Variants in COL14A1 observed in about 807,000 individuals in gnomAD.
COL14A1 encodes collagen type XIV alpha 1 chain.
Under a neutral mutation model 230.3 loss-of-function variants are expected in COL14A1, and 136 were observed. That is an observed-to-expected ratio of 0.59 (90% CI 0.51 to 0.68). The LOEUF is 0.68. COL14A1 is among the 30% of genes least tolerant of loss of function. The pLI is 0.00. For synonymous variants in COL14A1, 792 were observed against 784.1 expected, an observed-to-expected ratio of 1.01 and a Z score of -0.17; for missense variants, 1,976 against 2,215.8, an observed-to-expected ratio of 0.89 and a Z score of 2.17.
intron 23 of COL14A1, among the ~76,000 whole-genome samples, chr8:120,258,194 A>G (rs558287095): frequency 2.0e-5 from 3 of 152,298 alleles, no homozygotes; most frequent in African/African-American, 2.4e-5. Context: ...TAGGTGTTCA[A>G]TTTCCTAGAG....
intron 5 of COL14A1, among the ~76,000 whole-genome samples, chr8:120,172,947 CAGTA>C (rs1437494976): frequency 6.6e-6 from 1 of 152,154 alleles, no homozygotes; most frequent in Non-Finnish European, 1.5e-5. Context: ...TTTTCCCTTG[CAGTA>C]AGTAAGTAGC....
At chr8:120,286,314 A>G (rs575692289) in intron 33 of COL14A1, among the ~76,000 whole-genome samples, 7 of 152,290 alleles carry the variant, frequency 4.6e-5, no homozygotes, top group African/African-American at 1.4e-4. Context: ...AGCTGGTACA[A>G]CTAGCTATCT....
chr8:120,209,589 G>A (rs1817557921), intron 11 of COL14A1, among the ~76,000 whole-genome samples, 167 bp from the exon 12 acceptor site: 1 of 152,074 alleles, frequency 6.6e-6, no homozygotes, highest in Admixed American at 6.6e-5. Context: ...GAAAACAGCA[G>A]TGTTTCCTGT....
chr8:120,143,492 C>T (rs549840580), intron 1 of COL14A1, among the ~76,000 whole-genome samples: 6 of 151,892 alleles, frequency 4.0e-5, no homozygotes, highest in African/African-American at 1.2e-4. Flanking sequence ...ATTGGCCGGG[C>T]GTGGTGCACA....
intron 9 of COL14A1, 152 bp downstream of exon 9, chr8:120,204,022 A>G (rs1377320047): frequency 1.5e-5 from 9 of 617,716 alleles, no homozygotes; most frequent in African/African-American, 3.7e-5. Flanking sequence ...AAAAGGGAGT[A>G]TATTAGCAGG....
At chr8:120,180,028 C>T (rs1360662252) in intron 5 of COL14A1, among the ~76,000 whole-genome samples, 1 of 152,096 alleles carries the variant, frequency 6.6e-6, no homozygotes, top group South Asian at 2.1e-4. Context: ...TTCCTTACAC[C>T]TTATACAAAA....
intron 1 of COL14A1, among the ~76,000 whole-genome samples, chr8:120,147,389 T>A (rs979144469): frequency 2.0e-5 from 3 of 152,192 alleles, no homozygotes; most frequent in African/African-American, 7.2e-5. Context: ...ATATATTTGT[T>A]CTTTGTAGGC....
chr8:120,157,360 A>G (rs919503513), intron 2 of COL14A1, among the ~76,000 whole-genome samples: 24 of 152,312 alleles, frequency 1.6e-4, no homozygotes, highest in African/African-American at 5.3e-4. Context: ...ATATATCCGT[A>G]ATAGCCCTCT....
intron 45 of COL14A1, among the ~76,000 whole-genome samples, chr8:120,348,403 G>A (rs1305637138): frequency 6.6e-6 from 1 of 151,612 alleles, no homozygotes; most frequent in Non-Finnish European, 1.5e-5. Flanking sequence ...GATTGGAGAC[G>A]AGCATTCTAA....
In COL14A1 at chr8:120,278,143, A is replaced by G. The variant is rs756215618; in HGVS notation, c.3246A>G (p.Arg1082=). ...VAMVQFTDDP[R]TEFKLNAYKT... ...TGGTTCAGTTCACTGATGATCCCAG[A>G]ACAGAATTTAAACTAAATGCTTACA... The change falls in exon 27 of 48, where the codon AGA becomes AGG. Residue 1082 remains arginine (R), a synonymous_variant. Transcript: ENST00000297848. 4.3e-6 allele frequency: 7 copies of G among 1,611,474 alleles called. No homozygotes were observed. The East Asian group carries it at 1.6e-4, about 36-fold the overall frequency.
intron 5 of COL14A1, among the ~76,000 whole-genome samples, chr8:120,194,304 A>G (rs887951759): frequency 5.3e-5 from 8 of 152,144 alleles, no homozygotes; most frequent in Admixed American, 3.3e-4. Flanking sequence ...ATTTTTCTAG[A>G]TAATGTTTTC....
intron 13 of COL14A1, among the ~76,000 whole-genome samples, chr8:120,213,494 A>G (rs576444061): frequency 6.6e-6 from 1 of 152,320 alleles, no homozygotes; most frequent in South Asian, 2.1e-4. Flanking sequence ...GTTAGTCAAG[A>G]CTATGTTATT....
At chr8:120,258,949 A>C (rs930316130) in intron 23 of COL14A1, among the ~76,000 whole-genome samples, 3 of 152,062 alleles carry the variant, frequency 2.0e-5, no homozygotes, top group African/African-American at 7.2e-5. Context: ...CTTTATTCCC[A>C]CCCTAATCCC....
chr8:120,349,853 A>G (rs1213540132), intron 45 of COL14A1, among the ~76,000 whole-genome samples: 18 of 146,406 alleles, frequency 1.2e-4, no homozygotes, highest in Admixed American at 1.2e-3. Flanking sequence ...CTAGCAAGGC[A>G]GGCCAATGTT....
Position 120,372,145 on chromosome 8 carries a change from A to G in COL14A1, c.*914A>G, listed in dbSNP as rs1259747723. On this transcript the variant is annotated 3_prime_UTR_variant, in exon 48 of 48. Transcript: ENST00000297848. Reference sequence around the variant, plus strand: ...TTGTCTTCCTTTAGGTAAGCATTCAAACTTTCATTCATTCGTTTACTCACT... The same window carrying G: ...TTGTCTTCCTTTAGGTAAGCATTCAGACTTTCATTCATTCGTTTACTCACT... 2 of 152,376 alleles carry G rather than the reference A, an allele frequency of 1.3e-5. No homozygotes were observed. Among genetic ancestry groups the G allele is most frequent in the African/African-American group, 4.8e-5 (2 of 41,478 alleles). 9.4% of individuals were successfully genotyped at this position (152,376 alleles called of 1,614,324 possible).
intron 4 of COL14A1, among the ~76,000 whole-genome samples, chr8:120,166,540 A>C (rs748836093): frequency 1.5e-4 from 23 of 152,106 alleles, no homozygotes; most frequent in Admixed American, 2.0e-4. Context: ...TCCCAGAGCT[A>C]TTTCTACCTC....
chr8:120,290,593 A>G (rs141268024), intron 34 of COL14A1, among the ~76,000 whole-genome samples: 1 of 152,218 alleles, frequency 6.6e-6, no homozygotes, highest in Non-Finnish European at 1.5e-5. Flanking sequence ...TCCCACTTTC[A>G]TAGATCTGTA....
chr8:120,177,652 CAAAA>C (rs60652647), intron 5 of COL14A1, among the ~76,000 whole-genome samples: 2 of 82,814 alleles, frequency 2.4e-5, no homozygotes, highest in African/African-American at 9.3e-5. Context: ...TTGCCTGCTT[CAAAA>C]AAAAAAAAAA....
intron 23 of COL14A1, among the ~76,000 whole-genome samples, chr8:120,258,506 T>C (rs1487600267): frequency 6.6e-6 from 1 of 152,090 alleles, no homozygotes; most frequent in African/African-American, 2.4e-5. Context: ...GGGGTGTTAT[T>C]CAATCCTCCC....
Sources: allele counts gnomAD v4.1 joint callset (sites outside exome capture counted in the v4.1 genomes callset), GRCh38; gene constraint gnomAD v4.1.1; transcripts MANE v1.5; gene names NCBI Gene and HGNC (gene_info 2026-07-23, HGNC 2026-07-21).